COPS7B: variants seen among roughly 807,000 people sequenced by gnomAD.
COPS7B encodes the protein COP9 signalosome complex subunit 7b.
A neutral mutation model predicts 33.4 loss-of-function variants in COPS7B; 9 were observed. The observed-to-expected ratio is 0.27, with a 90% CI of 0.16 to 0.47. The LOEUF (loss-of-function observed/expected upper bound fraction) is 0.47, where lower values mean the gene tolerates loss of function less well. COPS7B is among the 20% of genes least tolerant of loss of function. The pLI is 0.99. For missense variants in COPS7B, 242 were observed against 318.2 expected, an observed-to-expected ratio of 0.76 and a Z score of 1.82; for synonymous variants, 119 against 126.3, an observed-to-expected ratio of 0.94 and a Z score of 0.39.
chr2:231,805,412 A>G (rs1363629577), intron 6 of COPS7B, among the ~76,000 whole-genome samples: 3 of 101,764 alleles, frequency 2.9e-5, no homozygotes, highest in African/African-American at 1.3e-4. Context: ...CTCCCTGTTT[A>G]TTATATATAT....
At chr2:231,796,056 C>T (rs769454878) in intron 4 of COPS7B, 50 bp from the exon 5 acceptor site, 1 of 1,548,640 alleles carries the variant, frequency 6.5e-7, no homozygotes, top group Non-Finnish European at 8.9e-7. Context: ...TGCATTTTCG[C>T]TAATGCTTGC....
Position 231,807,782 on chromosome 2 carries a change from G to C in COPS7B, c.*137G>C. 1 of 743,770 alleles carries C rather than the reference G, an allele frequency of 1.3e-6. No individual in the cohort carries two copies. The highest frequency in any genetic ancestry group is 2.1e-6 in the Non-Finnish European group (1 of 475,848). The allele number at this position is 743,770 out of a possible 1,614,324, so 46.1% of individuals were successfully genotyped here. A position where few individuals can be genotyped will look rare whatever the true frequency, so the allele number is the denominator to read the frequency against. On this transcript the variant is annotated 3_prime_UTR_variant, in exon 7 of 7. Transcript: ENST00000350033. ...CTCACCAGCGCCTCCCCACCCTGTT[G>C]GTACTGTTCCAGAAAAACTGTTACT...
intron 6 of COPS7B, among the ~76,000 whole-genome samples, chr2:231,801,595 G>A (rs995046627): frequency 1.3e-5 from 2 of 150,132 alleles, no homozygotes; most frequent in Admixed American, 6.6e-5. Context: ...GACTACAGGT[G>A]TATGCTACCA....
upstream of COPS7B, among the ~76,000 whole-genome samples, chr2:231,785,091 G>A (rs1271266989): frequency 2.0e-5 from 3 of 152,200 alleles, no homozygotes; most frequent in African/African-American, 4.8e-5. Flanking sequence ...GATTACAGGC[G>A]TGAGCCACCG....
upstream of COPS7B, chr2:231,781,692 G>T: frequency 1.4e-6 from 1 of 712,358 alleles, no homozygotes. Context: ...CCTGCACTCG[G>T]TTCCTCTGTA....
At chr2:231,797,374 A>C (rs1471379968) in intron 5 of COPS7B, among the ~76,000 whole-genome samples, 1 of 152,212 alleles carries the variant, frequency 6.6e-6, no homozygotes, top group Non-Finnish European at 1.5e-5. Context: ...ATCTGCCACA[A>C]GTGGAAGTTT....
chr2:231,797,857 T>A (rs1434149503), intron 5 of COPS7B, among the ~76,000 whole-genome samples: 1 of 152,202 alleles, frequency 6.6e-6, no homozygotes, highest in East Asian at 1.9e-4. Flanking sequence ...AAAGGCGGAA[T>A]CTTCAAAACA....
At chr2:231,787,962 C>A (rs1035885663) in intron 1 of COPS7B, among the ~76,000 whole-genome samples, 1 of 152,036 alleles carries the variant, frequency 6.6e-6, no homozygotes, top group South Asian at 2.1e-4. Context: ...TTCTTTAGGT[C>A]CTGGTCAGGT....
chr2:231,787,200 C>T (rs1341278228), intron 1 of COPS7B, among the ~76,000 whole-genome samples: 1 of 152,122 alleles, frequency 6.6e-6, no homozygotes, highest in Admixed American at 6.6e-5. Context: ...CGTTGTTCCC[C>T]AGCACTTCAT....
intron 1 of COPS7B, 77 bp downstream of exon 1, chr2:231,786,615 C>A (rs2049252285): frequency 1.3e-6 from 1 of 745,214 alleles, no homozygotes; most frequent in Non-Finnish European, 1.6e-6. Flanking sequence ...TAGAGCCCGC[C>A]GCCAAGGAAG....
At position 231,808,195 on chromosome 2, in the gene COPS7B, G is replaced by T; in HGVS notation, c.*550G>T. The T allele has an allele frequency of 3.3e-6, 1 of 307,662 alleles. No homozygotes were observed. Among genetic ancestry groups the T allele is most frequent in the South Asian group, 2.6e-5 (1 of 38,560 alleles). The allele number at this position is 307,662 out of a possible 1,614,324, so 19.1% of individuals were successfully genotyped here. ...TCCAGTTCAGGCCGTGGAGGGACGT[G>T]ATGCTGGGCTGTGTTTACTAAACCC... On this transcript the variant is annotated 3_prime_UTR_variant, in exon 7 of 7. Transcript: ENST00000350033.
At chr2:231,791,875 G>A (rs1347753689) in intron 3 of COPS7B, 67 bp downstream of exon 3, 3 of 1,425,488 alleles carry the variant, frequency 2.1e-6, no homozygotes, top group Admixed American at 3.4e-5. Flanking sequence ...AGACCATCAA[G>A]GTTTGAGATA....
At chr2:231,786,387 G>A (rs568841943), upstream of COPS7B, 20 of 945,596 alleles carry the variant, frequency 2.1e-5, no homozygotes, top group Middle Eastern at 5.4e-4. Flanking sequence ...GAGTGCAGCG[G>A]TGGGAGGCTT....
At chr2:231,801,402 C>G in intron 6 of COPS7B, 1 of 606,546 alleles carries the variant, frequency 1.6e-6, no homozygotes. Context: ...ATACTTAGAG[C>G]ATTACAAAGC....
intron 6 of COPS7B, 42 bp from the exon 7 acceptor site, chr2:231,807,445 C>T: frequency 1.3e-6 from 2 of 1,548,960 alleles, no homozygotes; most frequent in Non-Finnish European, 8.7e-7. Flanking sequence ...TTTTGGTGAG[C>T]ACATACAGGC....
rs768933224 is a variant in COPS7B, at chr2:231,801,196, AG to A, written c.636+2233del. The A allele has an allele frequency of 7.1e-5, 110 of 1,550,410 alleles. 2 individuals carry two copies. The South Asian group carries it at 1.3e-3, about 18-fold the overall frequency. The stretch of plus-strand genomic sequence containing the variant: ...TCCCCCTCCTGAATCTTATAACAAC[AG>A]CTTTCTTCTGGTGAGTTGTAGCTTT... On this transcript the variant is annotated intron_variant, in intron 6 of 6. Coordinates refer to ENST00000350033, the MANE Select transcript of COPS7B (RefSeq NM_022730.4).
At chr2:231,797,457 C>T (rs995187261) in intron 5 of COPS7B, among the ~76,000 whole-genome samples, 1 of 152,346 alleles carries the variant, frequency 6.6e-6, no homozygotes, top group Middle Eastern at 3.4e-3. Context: ...TGGTCTGGCA[C>T]ACAAAATCTA....
intron 6 of COPS7B, among the ~76,000 whole-genome samples, chr2:231,806,454 G>A (rs1012800460): frequency 3.3e-5 from 5 of 151,644 alleles, no homozygotes; most frequent in Non-Finnish European, 7.4e-5. Context: ...TCAGGAGGCT[G>A]AGGTGGGAGG....
intron 4 of COPS7B, 38 bp from the exon 5 acceptor site, chr2:231,796,068 A>G (rs2049559068): frequency 6.3e-7 from 1 of 1,584,166 alleles, no homozygotes; most frequent in Non-Finnish European, 8.7e-7. Flanking sequence ...AATGCTTGCC[A>G]GATGGTTTTT....
Sources: gnomAD v4.1 joint callset for allele counts (sites outside exome capture counted in the v4.1 genomes callset) on GRCh38, gnomAD v4.1.1 for gene constraint, MANE v1.5 for transcripts, NCBI Gene and HGNC (gene_info 2026-07-23, HGNC 2026-07-21) for gene names.